Variants in SGPL1 observed in about 807,000 individuals in gnomAD.
The protein encoded by SGPL1 is SP-lyase 1.
A neutral mutation model predicts 68.9 loss-of-function variants in SGPL1; 37 were observed. The ratio of observed to expected loss-of-function variants is 0.54; its 90% CI spans 0.41 to 0.71. The LOEUF is 0.71. SGPL1 is among the 30% of genes least tolerant of loss of function. The pLI is 0.00. For synonymous variants in SGPL1, 236 were observed against 248.5 expected (o/e 0.95, Z 0.47); for missense variants, 551 against 704.6 (o/e 0.78, Z 2.47).
intron 3 of SGPL1, among the ~76,000 whole-genome samples, chr10:70,847,405 T>C (rs901286842): frequency 6.6e-6 from 1 of 152,150 alleles, no homozygotes; most frequent in Admixed American, 6.5e-5. Flanking sequence ...CACCTCAACC[T>C]CCCAAAGTGC....
intron 4 of SGPL1, among the ~76,000 whole-genome samples, chr10:70,851,817 A>G (rs939675306): frequency 2.0e-5 from 3 of 152,232 alleles, no homozygotes; most frequent in African/African-American, 7.2e-5. Flanking sequence ...AGGTTCAGGA[A>G]TGAGCCTGGC....
chr10:70,842,470 T>C (rs1845731014), intron 2 of SGPL1, among the ~76,000 whole-genome samples: 1 of 152,062 alleles, frequency 6.6e-6, no homozygotes, highest in South Asian at 2.1e-4. Context: ...GAAAAGAGGG[T>C]TAATTGGCTC....
intron 11 of SGPL1, among the ~76,000 whole-genome samples, chr10:70,872,379 G>A (rs1471972307): frequency 6.6e-6 from 1 of 152,194 alleles, no homozygotes; most frequent in Non-Finnish European, 1.5e-5. Context: ...TAACATTAGA[G>A]CTGCTGTGCA....
intron 12 of SGPL1, among the ~76,000 whole-genome samples, chr10:70,874,411 A>C (rs1442845808): frequency 6.6e-6 from 1 of 152,162 alleles, no homozygotes; most frequent in Non-Finnish European, 1.5e-5. Flanking sequence ...GTGAGACATT[A>C]TCTCTACAAC....
At chr10:70,843,621 C>T (rs1845748912) in intron 2 of SGPL1, among the ~76,000 whole-genome samples, 1 of 152,124 alleles carries the variant, frequency 6.6e-6, no homozygotes, top group Admixed American at 6.5e-5. Flanking sequence ...GAGGAATTCT[C>T]GTGAATGAGA....
At chr10:70,819,059 AG>A (rs1845290221) in intron 2 of SGPL1, among the ~76,000 whole-genome samples, 1 of 152,226 alleles carries the variant, frequency 6.6e-6, no homozygotes, top group Non-Finnish European at 1.5e-5. Context: ...TGTAAATTAT[AG>A]GTTCTTATAT....
At position 70,879,984 on chromosome 10, in the gene SGPL1, A is replaced by T. The variant is rs767094256; in HGVS notation, c.*2649A>T. 1 of 152,644 alleles carries T rather than the reference A, an allele frequency of 6.6e-6. No individual in the cohort carries two copies. Among genetic ancestry groups the T allele is most frequent in the Admixed American group, 6.5e-5 (1 of 15,278 alleles). The allele number at this position is 152,644 out of a possible 1,614,324, so 9.5% of individuals were successfully genotyped here. A position where few individuals can be genotyped will look rare whatever the true frequency, so the allele number is the denominator to read the frequency against. On this transcript the variant is annotated 3_prime_UTR_variant, in exon 15 of 15. Transcript: ENST00000373202. ...TTAATATTACGAGTTTTATACTTGG[A>T]AAATGGTACTTGCTTCTTTTAAATC...
intron 2 of SGPL1, among the ~76,000 whole-genome samples, chr10:70,831,177 A>G (rs913613720): frequency 6.6e-6 from 1 of 152,174 alleles, no homozygotes; most frequent in Non-Finnish European, 1.5e-5. Flanking sequence ...CAGATAATGC[A>G]TAATTTTTCA....
chr10:70,877,012 C>G (rs953434498), intron 14 of SGPL1, among the ~76,000 whole-genome samples, 183 bp from the exon 15 acceptor site: 6 of 152,184 alleles, frequency 3.9e-5, no homozygotes, highest in African/African-American at 7.2e-5. Context: ...CTGGAAAGTC[C>G]CTGTGAAAAA....
At position 70,877,657 on chromosome 10, in the gene SGPL1, C is replaced by A. The variant is rs189947374; in HGVS notation, c.*322C>A. On this transcript the variant is annotated 3_prime_UTR_variant, in exon 15 of 15. Coordinates refer to ENST00000373202, the MANE Select transcript of SGPL1 (RefSeq NM_003901.4). ...TTAAACATTGTGTGGTAGCTCTGACCTGTCCTGATTCTTTAGAGAAGCTGG... is the reference window on the plus strand; with the variant it reads ...TTAAACATTGTGTGGTAGCTCTGACATGTCCTGATTCTTTAGAGAAGCTGG... 68 of 259,176 alleles carry A rather than the reference C, an allele frequency of 2.6e-4. No homozygotes were observed. The highest frequency in any genetic ancestry group is 1.5e-3 in the Admixed American group (32 of 22,002). The allele number at this position is 259,176 out of a possible 1,614,324, so 16.1% of individuals were successfully genotyped here.
chr10:70,877,444 C>G lies in SGPL1; in HGVS notation c.*109C>G. ...TCTGGTCTTGCTCCATAGAGCACAA[C>G]TCAAGATAGACCATGAGACAGCTTG... On this transcript the variant is annotated 3_prime_UTR_variant, in exon 15 of 15. Transcript: ENST00000373202. 1 of 1,015,654 alleles carries G rather than the reference C, an allele frequency of 9.8e-7. No homozygotes were observed. The highest frequency in any genetic ancestry group is 1.5e-6 in the Non-Finnish European group (1 of 673,810). The allele number at this position is 1,015,654 out of a possible 1,614,324, so 62.9% of individuals were successfully genotyped here.
intron 12 of SGPL1, 67 bp downstream of exon 12, chr10:70,873,656 TG>T: frequency 8.3e-7 from 1 of 1,199,038 alleles, no homozygotes; most frequent in Non-Finnish European, 1.2e-6. Flanking sequence ...TCAAGGCACC[TG>T]CCTGGCTAAG....
chr10:70,858,340 G>A (rs1188228965), intron 6 of SGPL1, among the ~76,000 whole-genome samples: 1 of 151,966 alleles, frequency 6.6e-6, no homozygotes. Flanking sequence ...GTCTCACTCT[G>A]TTGCCCAGGT....
chr10:70,851,016 T>A, intron 3 of SGPL1, 127 bp from the exon 4 acceptor site: 1 of 714,584 alleles, frequency 1.4e-6, no homozygotes, highest in South Asian at 1.9e-5. Context: ...TTTTAAAATT[T>A]TTTAAACGAA....
At chr10:70,861,650 C>T (rs571351880) in intron 7 of SGPL1, among the ~76,000 whole-genome samples, 1 of 152,290 alleles carries the variant, frequency 6.6e-6, no homozygotes, top group African/African-American at 2.4e-5. Context: ...GAGGGAGAGG[C>T]GTGAGCCGGA....
At position 70,851,269 on chromosome 10, in the gene SGPL1, C is replaced by T. The variant is rs1845875888; in HGVS notation, c.261+59C>T. ...TCTTGATAATCATACCTCTTTCTTT[C>T]TATTTACTAAACCTAATATTCTCAA... On this transcript the variant is annotated intron_variant, in intron 4 of 14. Transcript: ENST00000373202. 3 of 1,344,758 alleles carry T rather than the reference C, an allele frequency of 2.2e-6. No individual in the cohort carries two copies. In the Admixed American group the frequency reaches 5.1e-5, roughly 23 times the overall value. The allele number at this position is 1,344,758 out of a possible 1,614,324, so 83.3% of individuals were successfully genotyped here.
At chr10:70,864,589 T>G (rs1179630392) in intron 7 of SGPL1, among the ~76,000 whole-genome samples, 1 of 152,236 alleles carries the variant, frequency 6.6e-6, no homozygotes, top group Non-Finnish European at 1.5e-5. Context: ...CTTAAATTCA[T>G]GTTCTTATGA....
chr10:70,877,415 G>C lies in SGPL1; in HGVS notation c.*80G>C. 1.4e-6 allele frequency: 2 copies of C among 1,425,430 alleles called. No homozygotes were observed. Among genetic ancestry groups the C allele is most frequent in the Non-Finnish European group, 2.0e-6 (2 of 1,014,548 alleles). The allele number at this position is 1,425,430 out of a possible 1,614,324, so 88.3% of individuals were successfully genotyped here. On this transcript the variant is annotated 3_prime_UTR_variant, in exon 15 of 15. Coordinates refer to ENST00000373202, the MANE Select transcript of SGPL1 (RefSeq NM_003901.4). ...TATGGAACAGGCCGTGCACAACTTT[G>C]ACATCTGGTCTTGCTCCATAGAGCA...
intron 6 of SGPL1, 74 bp from the exon 7 acceptor site, chr10:70,859,297 T>C: frequency 5.3e-6 from 6 of 1,135,190 alleles, no homozygotes; most frequent in Non-Finnish European, 6.8e-6. Context: ...TTAGAAACTG[T>C]TGTTTAGTGC....
Sources: allele counts gnomAD v4.1 joint callset (sites outside exome capture counted in the v4.1 genomes callset), GRCh38; gene constraint gnomAD v4.1.1; transcripts MANE v1.5; gene names NCBI Gene and HGNC (gene_info 2026-07-23, HGNC 2026-07-21).